CAMTA1: variants seen among roughly 807,000 people sequenced by gnomAD.
CAMTA1 encodes calmodulin-binding transcription activator 1.
CAMTA1 carries 27 observed loss-of-function variants against 170.9 expected under a neutral mutation model. The ratio of observed to expected loss-of-function variants is 0.16; its 90% confidence interval spans 0.12 to 0.22. CAMTA1 has a LOEUF of 0.22. Ranked by LOEUF, CAMTA1 falls within the 10% of genes least tolerant of loss-of-function variation. The pLI is 1.00. For synonymous variants in CAMTA1, 833 were observed against 891.5 expected (o/e 0.93, Z 1.17); for missense variants, 1,619 against 2,217.2 (o/e 0.73, Z 5.42).
intron 7 of CAMTA1, among the ~76,000 whole-genome samples, chr1:7,648,516 G>T (rs2095825646): frequency 6.6e-6 from 1 of 152,206 alleles, no homozygotes. Context: ...AGGGGGTGTT[G>T]TTAGAGGGAC....
At chr1:6,885,163 G>C (rs562376176) in intron 3 of CAMTA1, among the ~76,000 whole-genome samples, 1 of 152,168 alleles carries the variant, frequency 6.6e-6, no homozygotes, top group African/African-American at 2.4e-5. Flanking sequence ...CCCTCACACA[G>C]AAATCTTTAT....
chr1:7,135,029 G>A (rs968009940), intron 4 of CAMTA1, among the ~76,000 whole-genome samples: 2 of 152,148 alleles, frequency 1.3e-5, no homozygotes, highest in East Asian at 3.8e-4. Context: ...TGAATCATCA[G>A]AGAGATACAA....
At chr1:7,462,213 C>T (rs545331465) in intron 5 of CAMTA1, among the ~76,000 whole-genome samples, 203 of 151,786 alleles carry the variant, frequency 1.3e-3, no homozygotes, top group African/African-American at 4.9e-3. Context: ...CCACAACCTC[C>T]GCCTCCTGGG....
intron 6 of CAMTA1, among the ~76,000 whole-genome samples, chr1:7,576,060 G>A (rs2095187903): frequency 6.6e-6 from 1 of 152,112 alleles, no homozygotes; most frequent in Non-Finnish European, 1.5e-5. Context: ...CCAGGCTGGA[G>A]TGCAATGGTG....
chr1:7,127,518 G>A (rs185128624), intron 4 of CAMTA1, among the ~76,000 whole-genome samples: 130 of 152,116 alleles, frequency 8.5e-4, no homozygotes, highest in South Asian at 1.7e-3. Context: ...AATGGGAGTG[G>A]AACTGCCACC....
At chr1:7,652,554 C>T (rs2095854680) in intron 7 of CAMTA1, among the ~76,000 whole-genome samples, 1 of 152,154 alleles carries the variant, frequency 6.6e-6, no homozygotes, top group African/African-American at 2.4e-5. Flanking sequence ...AGCCCAGCAT[C>T]TGCGAAGTCA....
In CAMTA1 at chr1:7,144,253, A is replaced by G. The variant is rs112033580; in HGVS notation, c.302+52882A>G. On this transcript the variant is annotated intron_variant, in intron 4 of 22. Transcript: ENST00000303635. This position sits in a 1 kb window ranked among gnomAD's most constrained non-coding sequence, Gnocchi z 4.0. ...CTTTTCTAAGTGTGTGTGTGTGTGTATGTGTGTGTTTGTGTGTATGAGTGT... is the reference window on the plus strand; with the variant it reads ...CTTTTCTAAGTGTGTGTGTGTGTGTGTGTGTGTGTTTGTGTGTATGAGTGT... Among the ~76,000 whole-genome samples the G allele has an allele frequency of 6.3e-5, 9 of 142,834 alleles. No homozygotes were observed. Among genetic ancestry groups the G allele is most frequent in the African/African-American group, 2.1e-4 (7 of 33,554 alleles). 93.7% of individuals were successfully genotyped at this position (142,834 alleles called of 152,430 possible). A position where few individuals can be genotyped will look rare whatever the true frequency, so the allele number is the denominator to read the frequency against.
intron 4 of CAMTA1, among the ~76,000 whole-genome samples, chr1:7,097,863 T>C (rs888566905): frequency 6.6e-6 from 1 of 150,944 alleles, no homozygotes; most frequent in Non-Finnish European, 1.5e-5. Context: ...GAGGGAGAAA[T>C]GGGGAGTTAG....
intron 3 of CAMTA1, among the ~76,000 whole-genome samples, chr1:6,986,022 G>A (rs184270582): frequency 1.6e-4 from 24 of 152,324 alleles, no homozygotes; most frequent in Non-Finnish European, 1.9e-4. Context: ...TGGAAATACT[G>A]GCTTTGCACT....
intron 4 of CAMTA1, among the ~76,000 whole-genome samples, chr1:7,184,677 C>T (rs1047948159): frequency 6.6e-6 from 1 of 152,074 alleles, no homozygotes; most frequent in Non-Finnish European, 1.5e-5. Flanking sequence ...GGGAAGGAGA[C>T]AGGAGACAGA....
intron 10 of CAMTA1, among the ~76,000 whole-genome samples, 199 bp downstream of exon 10, chr1:7,671,236 GA>G: frequency 1.3e-5 from 2 of 152,342 alleles, no homozygotes; most frequent in East Asian, 3.9e-4. Flanking sequence ...ATAGGACAGG[GA>G]CACAGGCACG....
At chr1:7,187,262 T>C (rs1171905619) in intron 4 of CAMTA1, among the ~76,000 whole-genome samples, 1 of 152,138 alleles carries the variant, frequency 6.6e-6, no homozygotes, top group East Asian at 1.9e-4. Context: ...GAGTTTTTAC[T>C]GGTCTATGGC....
intron 5 of CAMTA1, among the ~76,000 whole-genome samples, chr1:7,328,486 C>A (rs544324462): frequency 6.6e-6 from 1 of 152,226 alleles, no homozygotes; most frequent in Non-Finnish European, 1.5e-5. Flanking sequence ...CAGAGCCAGA[C>A]CCTGTCTCAA....
At chr1:7,741,576 G>T (rs1445950975) in intron 16 of CAMTA1, among the ~76,000 whole-genome samples, 2 of 151,568 alleles carry the variant, frequency 1.3e-5, no homozygotes, top group African/African-American at 2.4e-5. Flanking sequence ...AAAAAAAAAT[G>T]TTAAGTTGGT....
intron 3 of CAMTA1, among the ~76,000 whole-genome samples, chr1:6,941,687 G>A (rs1196041018): frequency 6.6e-6 from 1 of 152,216 alleles, no homozygotes; most frequent in African/African-American, 2.4e-5. Flanking sequence ...GTCCTTCATG[G>A]GTGAGAGTCA....
chr1:7,625,841 G>T (rs2095629723), intron 6 of CAMTA1, among the ~76,000 whole-genome samples: 1 of 152,242 alleles, frequency 6.6e-6, no homozygotes, highest in African/African-American at 2.4e-5. Flanking sequence ...CTCTGCAGAG[G>T]GGCCGGCCCC....
chr1:7,301,488 G>T (rs900218990), intron 5 of CAMTA1, among the ~76,000 whole-genome samples: 3 of 152,170 alleles, frequency 2.0e-5, no homozygotes, highest in South Asian at 2.1e-4. Flanking sequence ...GGCTTTGCCC[G>T]TGGGGCCCGG....
chr1:7,690,561 A>G (rs1318859551), intron 11 of CAMTA1, among the ~76,000 whole-genome samples: 1 of 152,248 alleles, frequency 6.6e-6, no homozygotes, highest in African/African-American at 2.4e-5. Flanking sequence ...CTTGAGACAC[A>G]TGGCAGACTT....
At chr1:7,084,532 G>A (rs944873586) in intron 3 of CAMTA1, among the ~76,000 whole-genome samples, 1 of 152,206 alleles carries the variant, frequency 6.6e-6, no homozygotes, top group Non-Finnish European at 1.5e-5. Context: ...CTGCACAGAC[G>A]GGAGCCTCCC....
Sources: gnomAD v4.1 joint callset for allele counts (sites outside exome capture counted in the v4.1 genomes callset) on GRCh38, gnomAD v4.1.1 for gene constraint, Gnocchi (gnomAD v3.1) non-coding constraint, MANE v1.5 for transcripts, NCBI Gene and HGNC (gene_info 2026-07-23, HGNC 2026-07-21) for gene names.